The following SGCZ variants were observed in gnomAD, a reference collection of about 807,000 sequenced individuals.
The protein encoded by SGCZ is sarcoglycan zeta.
In SGCZ, 40 loss-of-function variants were observed where a neutral mutation model predicts 41.3. The observed-to-expected ratio is 0.97, with a 90% CI of 0.75 to 1.26. The LOEUF (loss-of-function observed/expected upper bound fraction) is 1.26, where lower values mean the gene tolerates loss of function less well. Among genes scored for constraint, SGCZ ranks in the 50% most tolerant of loss-of-function variants. The pLI is 0.00. For missense variants in SGCZ, 552 were observed against 369.8 expected (o/e 1.49, Z -4.04); for synonymous variants, 206 against 137.5 (o/e 1.50, Z -3.49).
At chr8:14,734,740 T>G (rs1178943517) in intron 1 of SGCZ, among the ~76,000 whole-genome samples, 3 of 152,278 alleles carry the variant, frequency 2.0e-5, no homozygotes, top group African/African-American at 7.2e-5. Flanking sequence ...CAAGAAAAGC[T>G]GTCTATTATT....
chr8:14,441,967 G>A (rs544495491), intron 2 of SGCZ, among the ~76,000 whole-genome samples: 42 of 152,300 alleles, frequency 2.8e-4, no homozygotes, highest in South Asian at 1.0e-3. Context: ...TATGTAACCA[G>A]GCCATTTCAT....
intron 4 of SGCZ, among the ~76,000 whole-genome samples, chr8:14,236,722 G>T (rs561116270): frequency 7.6e-4 from 115 of 151,394 alleles, no homozygotes; most frequent in Non-Finnish European, 1.5e-3. Flanking sequence ...AATGTTTATG[G>T]TAAGTAATTT....
Position 14,640,652 on chromosome 8 carries a change from GTGT to G in SGCZ, c.40-85729_40-85727del, listed in dbSNP as rs1806992991. Reference sequence around the variant, plus strand: ...TATGTGCAAACATATATATAGGGGTGTGTGTGTGTGTGTGTGTGTGTATATATT... The same window carrying G: ...TATGTGCAAACATATATATAGGGGTGGTGTGTGTGTGTGTGTGTATATATT... On this transcript the variant is annotated intron_variant, in intron 1 of 7. Coordinates refer to ENST00000382080, the MANE Select transcript of SGCZ (RefSeq NM_139167.4). 6.7e-5 allele frequency among the ~76,000 whole-genome samples: 2 copies of G among 29,820 alleles called. 1 individual carries two copies. Among genetic ancestry groups the G allele is most frequent in the East Asian group, 4.3e-3 (2 of 464 alleles). The allele number at this position is 29,820 out of a possible 152,430, so 19.6% of individuals were successfully genotyped here. A position where few individuals can be genotyped will look rare whatever the true frequency, so the allele number is the denominator to read the frequency against.
chr8:14,344,294 C>A (rs1563269687), intron 2 of SGCZ, among the ~76,000 whole-genome samples: 1 of 151,624 alleles, frequency 6.6e-6, no homozygotes, highest in Non-Finnish European at 1.5e-5. Flanking sequence ...AAATAACTAT[C>A]CAGTAATAGA....
intron 1 of SGCZ, among the ~76,000 whole-genome samples, chr8:15,152,762 T>A (rs1433061624): frequency 1.3e-5 from 2 of 152,248 alleles, no homozygotes; most frequent in Non-Finnish European, 1.5e-5. Flanking sequence ...TTTTGTTTAA[T>A]GTCTCTATTA....
At chr8:14,554,711 T>C in intron 2 of SGCZ, 21 bp downstream of exon 2, 1 of 1,592,660 alleles carries the variant, frequency 6.3e-7, no homozygotes, top group Non-Finnish European at 8.6e-7. Flanking sequence ...CAATAAGATG[T>C]AAAATCATAG....
chr8:14,097,634 G>C (rs1024930547), intron 7 of SGCZ, among the ~76,000 whole-genome samples: 7 of 152,082 alleles, frequency 4.6e-5, no homozygotes, highest in Admixed American at 3.3e-4. Context: ...TTCATGTCCT[G>C]GATATCCTTG....
At chr8:14,102,942 C>A (rs1802080900) in intron 6 of SGCZ, among the ~76,000 whole-genome samples, 1 of 152,104 alleles carries the variant, frequency 6.6e-6, no homozygotes, top group Non-Finnish European at 1.5e-5. Flanking sequence ...AATAAAGAGT[C>A]CCTGTCTTGT....
intron 3 of SGCZ, among the ~76,000 whole-genome samples, chr8:14,254,839 G>C: frequency 6.6e-6 from 1 of 151,998 alleles, no homozygotes; most frequent in East Asian, 1.9e-4. Context: ...AAAGTGTGAG[G>C]AACTGATCTG....
At chr8:14,871,748 G>C (rs1359237130) in intron 1 of SGCZ, among the ~76,000 whole-genome samples, 1 of 151,932 alleles carries the variant, frequency 6.6e-6, no homozygotes, top group African/African-American at 2.4e-5. Flanking sequence ...GGGTTGCAGT[G>C]AGCTGAGTTT....
intron 7 of SGCZ, among the ~76,000 whole-genome samples, chr8:14,100,558 T>TTA (rs1554456232): frequency 2.8e-5 from 4 of 141,888 alleles, no homozygotes; most frequent in Admixed American, 7.0e-5. Context: ...TAGATTAATA[T>TTA]ATTATATATT....
intron 2 of SGCZ, among the ~76,000 whole-genome samples, chr8:14,471,007 C>T (rs1801199778): frequency 6.6e-6 from 1 of 152,112 alleles, no homozygotes; most frequent in Admixed American, 6.6e-5. Flanking sequence ...TGAAGGAGTG[C>T]CATCAAGAAA....
chr8:15,064,726 T>C (rs889042901), intron 1 of SGCZ, among the ~76,000 whole-genome samples: 10 of 152,214 alleles, frequency 6.6e-5, no homozygotes, highest in African/African-American at 1.9e-4. Context: ...CCCTGCTCTA[T>C]AAACCCCTAG....
intron 2 of SGCZ, among the ~76,000 whole-genome samples, chr8:14,419,164 G>T (rs1228231200): frequency 6.6e-6 from 1 of 151,778 alleles, no homozygotes; most frequent in East Asian, 1.9e-4. Flanking sequence ...AAAATATAAA[G>T]GATGATCTAA....
At chr8:14,660,234 T>C (rs1194883764) in intron 1 of SGCZ, among the ~76,000 whole-genome samples, 4 of 152,108 alleles carry the variant, frequency 2.6e-5, no homozygotes, top group Non-Finnish European at 5.9e-5. Flanking sequence ...CTGTTCGGTG[T>C]ATGAAGAAAA....
intron 1 of SGCZ, among the ~76,000 whole-genome samples, chr8:14,795,229 G>C (rs1801085159): frequency 6.6e-6 from 1 of 152,110 alleles, no homozygotes; most frequent in African/African-American, 2.4e-5. Flanking sequence ...ATTGACTAAA[G>C]CATACATATG....
At chr8:14,931,050 T>C (rs1799911225) in intron 1 of SGCZ, among the ~76,000 whole-genome samples, 1 of 152,082 alleles carries the variant, frequency 6.6e-6, no homozygotes, top group Admixed American at 6.5e-5. Flanking sequence ...TTATTTTGCA[T>C]ATTTTTCTCA....
chr8:15,051,789 T>C (rs1445773168), intron 1 of SGCZ, among the ~76,000 whole-genome samples: 6 of 152,206 alleles, frequency 3.9e-5, no homozygotes, highest in Non-Finnish European at 7.3e-5. Flanking sequence ...ATACTATGCA[T>C]GTGGGTTTGA....
intron 1 of SGCZ, among the ~76,000 whole-genome samples, chr8:14,851,368 C>CA (rs369090223): frequency 0.51 from 31,276 of 61,416 alleles, 8,234 homozygotes; most frequent in East Asian, 0.61. Flanking sequence ...GACTCCATCT[C>CA]AAAAAAAAAA....
Sources: gnomAD v4.1 joint callset for allele counts (sites outside exome capture counted in the v4.1 genomes callset) on GRCh38, gnomAD v4.1.1 for gene constraint, MANE v1.5 for transcripts, NCBI Gene and HGNC (gene_info 2026-07-23, HGNC 2026-07-21) for gene names.